The following AHRR variants were observed in gnomAD, a reference collection of about 807,000 sequenced individuals.
AHRR encodes the protein aryl hydrocarbon receptor repressor.
A neutral mutation model predicts 44.0 loss-of-function variants in AHRR; 28 were observed. The ratio of observed to expected loss-of-function variants is 0.64; its 90% confidence interval spans 0.47 to 0.87. The LOEUF (loss-of-function observed/expected upper bound fraction) is 0.87. AHRR is among the 40% of genes least tolerant of loss of function. AHRR has a pLI of 0.00. For missense variants in AHRR, 990 were observed against 953.9 expected (o/e 1.04, Z -0.50); for synonymous variants, 434 against 407.0 (o/e 1.07, Z -0.80).
intron 3 of AHRR, among the ~76,000 whole-genome samples, chr5:375,984 A>T (rs1391545353): frequency 3.9e-5 from 6 of 152,148 alleles, no homozygotes; most frequent in Non-Finnish European, 5.9e-5. Flanking sequence ...AGCACTGGCG[A>T]CTGTCCTGGA....
intron 1 of AHRR, among the ~76,000 whole-genome samples, chr5:332,458 G>C (rs1272074188): frequency 6.6e-6 from 1 of 151,820 alleles, no homozygotes; most frequent in Non-Finnish European, 1.5e-5. Flanking sequence ...AGTAGAGATG[G>C]TGTTTCACCA....
At position 428,002 on chromosome 5, in the gene AHRR, G is replaced by A. The variant is rs1736545972; in HGVS notation, c.904G>A (p.Ala302Thr). The change falls in exon 8 of 11, where the codon GCA (alanine) becomes ACA (threonine). Residue 302 changes from alanine to threonine, a missense_variant. Physicochemically the swap from Ala to Thr is moderately conservative, Grantham distance 58 (BLOSUM62 0). Transcript: ENST00000684583. ...AGCAGACACCGCAGCCACCGCGGAT[G>A]CAAAGTGAGTAAGACTCGCCCTTCA... The part of the protein sequence containing the change: ...PRADTAATAD[A>T]KVKATTSLCE... 1 of 1,613,570 alleles carries A rather than the reference G, an allele frequency of 6.2e-7. No homozygotes were observed. The highest frequency in any genetic ancestry group is 1.3e-5 in the African/African-American group (1 of 74,942).
rs1365312181 is a variant in AHRR, at chr5:405,673, C to T, written c.352-7671C>T. On this transcript the variant is annotated intron_variant, in intron 4 of 10. Transcript: ENST00000684583. The surrounding 1 kb of genome is among the most constrained non-coding windows in gnomAD (Gnocchi z 4.5). ...GGCCTTCGGGTCGCCGGCACCTGAC[C>T]CAGCAGCCTTGTCCCACCGCCTGCG... Among the ~76,000 whole-genome samples, 3 of 152,234 alleles carry T rather than the reference C, an allele frequency of 2.0e-5. No individual in the cohort carries two copies. The highest frequency in any genetic ancestry group is 2.1e-4 in the South Asian group (1 of 4,834).
At chr5:335,935 C>T (rs1335874402) in intron 1 of AHRR, among the ~76,000 whole-genome samples, 1 of 152,218 alleles carries the variant, frequency 6.6e-6, no homozygotes, top group Non-Finnish European at 1.5e-5. Context: ...GCTACACTTG[C>T]CTCTTAGTCC....
intron 1 of AHRR, among the ~76,000 whole-genome samples, chr5:332,267 T>TC (rs1415455006): frequency 6.7e-6 from 1 of 148,260 alleles, no homozygotes; most frequent in Non-Finnish European, 1.5e-5. Context: ...TTAAGACTTT[T>TC]TTTTTTTTTT....
intron 4 of AHRR, among the ~76,000 whole-genome samples, chr5:398,911 C>T (rs1734888781): frequency 6.6e-6 from 1 of 152,218 alleles, no homozygotes; most frequent in Non-Finnish European, 1.5e-5. Context: ...GTCACTGGTG[C>T]ACCTGGGACC....
chr5:437,228 T>G lies in AHRR; in HGVS notation c.*2394T>G, dbSNP rs2126559841. On this transcript the variant is annotated 3_prime_UTR_variant, in exon 11 of 11. Coordinates refer to ENST00000684583, the MANE Select transcript of AHRR (RefSeq NM_001377236.1). ...CAGATCTGCTGTATCCCTGAAAAAG[T>G]CTCAATCAACATGCATGTTCCACTC... is the stretch of plus-strand genomic sequence containing the variant. 6.6e-6 allele frequency: 1 copy of G among 152,438 alleles called. No individual in the cohort carries two copies. The highest frequency in any genetic ancestry group is 3.4e-3 in the Middle Eastern group (1 of 294). 9.4% of individuals were successfully genotyped at this position (152,438 alleles called of 1,614,324 possible). A position where few individuals can be genotyped will look rare whatever the true frequency, so the allele number is the denominator to read the frequency against.
At chr5:361,983 G>GA (rs1003409508) in intron 3 of AHRR, among the ~76,000 whole-genome samples, 56 of 152,342 alleles carry the variant, frequency 3.7e-4, no homozygotes, top group African/African-American at 1.3e-3. Flanking sequence ...GGCAAGGATT[G>GA]AATGTTATAA....
intron 7 of AHRR, among the ~76,000 whole-genome samples, chr5:426,613 G>A (rs1297406719): frequency 8.1e-6 from 1 of 123,536 alleles, no homozygotes; most frequent in Non-Finnish European, 1.9e-5. Flanking sequence ...AAAGATGGAT[G>A]GATGGACGGA....
rs201402371 is a variant in AHRR at position 432,904 on chromosome 5, C to A, written c.1069C>A (p.Arg357=). 2.3e-5 allele frequency: 37 copies of A among 1,613,196 alleles called. No homozygotes were observed. The highest frequency in any genetic ancestry group is 3.1e-5 in the Non-Finnish European group (36 of 1,179,896). Residue 357 remains arginine (R), a synonymous_variant, in exon 10 of 11, where the codon CGG becomes AGG. Coordinates refer to ENST00000684583, the MANE Select transcript of AHRR (RefSeq NM_001377236.1). ...CGCCAGGGCCCCATGCCTGTGCCTCCGGGGTGGCCCTGACCTTGTCCTTGA... is the reference window on the plus strand; with the variant it reads ...CGCCAGGGCCCCATGCCTGTGCCTCAGGGGTGGCCCTGACCTTGTCCTTGA... The part of the protein sequence containing the change: ...VPARAPCLCL[R]GGPDLVLDPK...
At chr5:422,340 G>A (rs866751376) in intron 5 of AHRR, 3 of 306,550 alleles carry the variant, frequency 9.8e-6, no homozygotes, top group African/African-American at 2.2e-5. Context: ...TGGGTGTCAG[G>A]AAGAAGGAAA....
At chr5:371,104 C>A (rs917210638) in intron 3 of AHRR, among the ~76,000 whole-genome samples, 1 of 152,106 alleles carries the variant, frequency 6.6e-6, no homozygotes, top group African/African-American at 2.4e-5. Context: ...CGCCTGTGGC[C>A]GGAGAATGGG....
chr5:434,227 G>A lies in AHRR; in HGVS notation c.1487G>A (p.Gly496Glu). The change falls in exon 11 of 11, where the codon GGA becomes GAA. Residue 496 changes from glycine (G) to glutamate (E), a missense_variant. By Grantham distance (98) the Gly-to-Glu change is moderately conservative. Coordinates refer to ENST00000684583, the MANE Select transcript of AHRR (RefSeq NM_001377236.1). ...RSLQHQLPQP[G>E]AQRFATRGYP... is the part of the protein sequence containing the mutation. ...CTGCAGCACCAGCTCCCTCAGCCTG[G>A]AGCTCAGCGTTTTGCCACGAGGGGC... is the stretch of plus-strand genomic sequence containing the variant. 2 of 1,591,170 alleles carry A rather than the reference G, an allele frequency of 1.3e-6. No individual in the cohort carries two copies. Among genetic ancestry groups the A allele is most frequent in the Non-Finnish European group, 1.7e-6 (2 of 1,168,626 alleles).
intron 1 of AHRR, among the ~76,000 whole-genome samples, chr5:324,556 C>CG (rs1741636177): frequency 6.6e-6 from 1 of 151,304 alleles, no homozygotes; most frequent in Non-Finnish European, 1.5e-5. Flanking sequence ...GAGGCTGAGG[C>CG]GGGTGGATCA....
At chr5:413,313 ATTTTTT>A (rs3215229) in intron 4 of AHRR, 25 bp from the exon 5 acceptor site, 3 of 1,327,000 alleles carry the variant, frequency 2.3e-6, no homozygotes, top group Non-Finnish European at 3.1e-6. Context: ...AGCCAATTCG[ATTTTTT>A]TTTTTGTTTT....
At chr5:371,006 C>CA (rs1349989986) in intron 3 of AHRR, among the ~76,000 whole-genome samples, 1 of 152,196 alleles carries the variant, frequency 6.6e-6, no homozygotes, top group African/African-American at 2.4e-5. Context: ...GTGTCTCAGA[C>CA]AGCTGCAAGC....
At chr5:412,376 G>A (rs1468709239) in intron 4 of AHRR, among the ~76,000 whole-genome samples, 1 of 152,170 alleles carries the variant, frequency 6.6e-6, no homozygotes, top group Non-Finnish European at 1.5e-5. Context: ...GGGTCTTCAG[G>A]GTGAGGCGGA....
intron 4 of AHRR, among the ~76,000 whole-genome samples, chr5:397,643 A>G (rs1276681722): frequency 1.5e-3 from 71 of 48,858 alleles, no homozygotes; most frequent in African/African-American, 1.9e-3. Context: ...GACCATCCAC[A>G]TAGCCCCTGA....
At chr5:414,413 C>T (rs1184017820) in intron 5 of AHRR, among the ~76,000 whole-genome samples, 3 of 152,062 alleles carry the variant, frequency 2.0e-5, no homozygotes, top group Non-Finnish European at 4.4e-5. Context: ...ACGGCGAGGA[C>T]CCCCAGGATC....
Sources: gnomAD v4.1 joint callset for allele counts (sites outside exome capture counted in the v4.1 genomes callset) on GRCh38, gnomAD v4.1.1 for gene constraint, Gnocchi (gnomAD v3.1) non-coding constraint, MANE v1.5 for transcripts, NCBI Gene and HGNC (gene_info 2026-07-23, HGNC 2026-07-21) for gene names.